The following FAF1 variants were observed in gnomAD, a reference collection of about 807,000 sequenced individuals.
FAF1 encodes FAS-associated factor 1.
A neutral mutation model predicts 92.5 loss-of-function variants in FAF1; 25 were observed. That is an observed-to-expected ratio of 0.27 (90% CI 0.20 to 0.38). FAF1 has a LOEUF of 0.38. FAF1 is among the 10% of genes least tolerant of loss of function. The pLI is 1.00. For missense variants in FAF1, 636 were observed against 793.3 expected (o/e 0.80, Z 2.38); for synonymous variants, 234 against 273.2 (o/e 0.86, Z 1.42).
Position 50,493,034 on chromosome 1 carries a change from C to CTTT in FAF1, c.1495-1236_1495-1234dup, listed in dbSNP as rs527436973. ...AGTCATCGATTAAAGGATTAAACTTCTTTTTTTTTTTTTTTTGAGGGGGAG... is the reference window on the plus strand; with the variant it reads ...AGTCATCGATTAAAGGATTAAACTTCTTTTTTTTTTTTTTTTTTTGAGGGGGAG... On this transcript the variant is annotated intron_variant, in intron 15 of 18. Coordinates refer to ENST00000396153, the MANE Select transcript of FAF1 (RefSeq NM_007051.3). Among the ~76,000 whole-genome samples the CTTT allele has an allele frequency of 2.8e-3, 385 of 137,952 alleles. 2 individuals carry two copies. Among genetic ancestry groups the CTTT allele is most frequent in the African/African-American group, 8.8e-3 (325 of 36,958 alleles). 90.5% of individuals were successfully genotyped at this position (137,952 alleles called of 152,430 possible). A position where few individuals can be genotyped will look rare whatever the true frequency, so the allele number is the denominator to read the frequency against.
At chr1:50,695,432 T>A (rs1409880713) in intron 7 of FAF1, among the ~76,000 whole-genome samples, 3 of 151,562 alleles carry the variant, frequency 2.0e-5, no homozygotes, top group Admixed American at 1.3e-4. Flanking sequence ...TGTATTAACA[T>A]CTAAAGGAGG....
chr1:50,707,920 G>A (rs1657753188), intron 6 of FAF1, among the ~76,000 whole-genome samples: 1 of 152,066 alleles, frequency 6.6e-6, no homozygotes, highest in African/African-American at 2.4e-5. Flanking sequence ...ACATTAACTT[G>A]ATGACTTGCA....
At chr1:50,516,289 T>C (rs76577325) in intron 15 of FAF1, among the ~76,000 whole-genome samples, 1 of 152,182 alleles carries the variant, frequency 6.6e-6, no homozygotes, top group African/African-American at 2.4e-5. Context: ...CCTATCCTCA[T>C]CTCTTATTCT....
At chr1:50,917,256 T>C (rs1432251655) in intron 1 of FAF1, among the ~76,000 whole-genome samples, 1 of 152,200 alleles carries the variant, frequency 6.6e-6, no homozygotes, top group Non-Finnish European at 1.5e-5. Flanking sequence ...TGCAATCATC[T>C]ATTTGCAGGC....
intron 15 of FAF1, among the ~76,000 whole-genome samples, chr1:50,500,444 C>T (rs1223359930): frequency 6.6e-6 from 1 of 152,110 alleles, no homozygotes; most frequent in Non-Finnish European, 1.5e-5. Flanking sequence ...AGCACTAGAA[C>T]TACTGGATAT....
chr1:50,529,908 T>G lies in FAF1; in HGVS notation c.1494+5461A>C, dbSNP rs115546817. On this transcript the variant is annotated intron_variant, in intron 15 of 18. Coordinates refer to ENST00000396153, the MANE Select transcript of FAF1 (RefSeq NM_007051.3). ...CAAAGTGAGAGAAATTAATTTTCTG[T>G]GATTTGGGCCTCAGAAAGGAGAAAA... Among the ~76,000 whole-genome samples, 992 of 152,306 alleles carry G rather than the reference T, an allele frequency of 6.5e-3. 11 individuals carry two copies. Among genetic ancestry groups the G allele is most frequent in the South Asian group, 0.048 (232 of 4,826 alleles).
intron 1 of FAF1, among the ~76,000 whole-genome samples, chr1:50,940,763 G>A (rs1165972859): frequency 6.6e-6 from 1 of 152,174 alleles, no homozygotes; most frequent in African/African-American, 2.4e-5. Context: ...ACGTAAAAGT[G>A]ACGTAAAAAT....
At chr1:50,837,985 G>A (rs1031858512) in intron 2 of FAF1, among the ~76,000 whole-genome samples, 3 of 151,672 alleles carry the variant, frequency 2.0e-5, no homozygotes, top group African/African-American at 7.3e-5. Context: ...CCTTGTGATC[G>A]GCCCGCCTCG....
chr1:50,728,748 G>A (rs952833693), intron 6 of FAF1, among the ~76,000 whole-genome samples: 11 of 149,664 alleles, frequency 7.3e-5, no homozygotes, highest in Non-Finnish European at 1.6e-4. Context: ...CCGAGATTGC[G>A]CCACTGCACT....
At chr1:50,950,389 C>A (rs1321298868) in intron 1 of FAF1, among the ~76,000 whole-genome samples, 1 of 152,120 alleles carries the variant, frequency 6.6e-6, no homozygotes, top group South Asian at 2.1e-4. Context: ...ATGGGGGGAG[C>A]GGAGAAATAA....
At chr1:50,918,229 A>G (rs1465667145) in intron 1 of FAF1, among the ~76,000 whole-genome samples, 2 of 134,164 alleles carry the variant, frequency 1.5e-5, no homozygotes, top group Admixed American at 1.5e-4. Flanking sequence ...TTTAGGGTAC[A>G]TGTGCACATT....
At chr1:50,723,576 G>A (rs1658503088) in intron 6 of FAF1, among the ~76,000 whole-genome samples, 1 of 151,996 alleles carries the variant, frequency 6.6e-6, no homozygotes, top group Middle Eastern at 3.2e-3. Flanking sequence ...CAGGATGACA[G>A]AGAGAAATTA....
At position 50,847,953 on chromosome 1, in the gene FAF1, A is replaced by T. The variant is rs1644316202; in HGVS notation, c.114+9976T>A. 2.6e-5 allele frequency among the ~76,000 whole-genome samples: 4 copies of T among 152,026 alleles called. No homozygotes were observed. In the South Asian group the frequency reaches 8.3e-4, roughly 31 times the overall value. ...AAACTATGAAAAACAAACACAAAGAAACATCTTAAAAAAGGCTGTCAACAC... is the reference window on the plus strand; with the variant it reads ...AAACTATGAAAAACAAACACAAAGATACATCTTAAAAAAGGCTGTCAACAC... On this transcript the variant is annotated intron_variant, in intron 2 of 18. Coordinates refer to ENST00000396153, the MANE Select transcript of FAF1 (RefSeq NM_007051.3).
chr1:50,676,897 T>A (rs568650878), intron 7 of FAF1, among the ~76,000 whole-genome samples: 2 of 152,150 alleles, frequency 1.3e-5, no homozygotes, highest in Non-Finnish European at 2.9e-5. Context: ...GAGTACATAC[T>A]TTTAACCAAT....
chr1:50,697,095 C>T (rs1347210756), intron 7 of FAF1, among the ~76,000 whole-genome samples: 1 of 152,146 alleles, frequency 6.6e-6, no homozygotes, highest in Non-Finnish European at 1.5e-5. Flanking sequence ...ATTTTTCATT[C>T]ACTTGAAACA....
chr1:50,650,639 TAAAAAC>T (rs1654822759), intron 8 of FAF1, among the ~76,000 whole-genome samples: 2 of 152,000 alleles, frequency 1.3e-5, no homozygotes, highest in African/African-American at 4.8e-5. Flanking sequence ...TAAATAAAAA[TAAAAAC>T]AAAAAACTGA....
chr1:50,810,054 G>A (rs541892004), intron 2 of FAF1, among the ~76,000 whole-genome samples: 3 of 152,054 alleles, frequency 2.0e-5, no homozygotes, highest in Non-Finnish European at 2.9e-5. Context: ...TCAGCAGTTC[G>A]AGACCAGCCT....
chr1:50,842,960 G>T (rs180833216), intron 2 of FAF1, among the ~76,000 whole-genome samples: 10 of 152,180 alleles, frequency 6.6e-5, no homozygotes, highest in Admixed American at 4.6e-4. Context: ...CATCCCCTGT[G>T]CCTAAAACAG....
At chr1:50,874,352 T>C (rs1402107092) in intron 1 of FAF1, among the ~76,000 whole-genome samples, 1 of 152,094 alleles carries the variant, frequency 6.6e-6, no homozygotes, top group Non-Finnish European at 1.5e-5. Context: ...ATTTTAATAT[T>C]TGCTATATGT....
Sources: gnomAD v4.1 joint callset for allele counts (sites outside exome capture counted in the v4.1 genomes callset) on GRCh38, gnomAD v4.1.1 for gene constraint, MANE v1.5 for transcripts, NCBI Gene and HGNC (gene_info 2026-07-23, HGNC 2026-07-21) for gene names.